NALF1: variants seen among roughly 807,000 people sequenced by gnomAD.
The protein encoded by NALF1 is family with sequence similarity 155 member A.
Under a neutral mutation model 48.4 loss-of-function variants are expected in NALF1, and 3 were observed. The observed-to-expected ratio is 0.06, with a 90% CI of 0.03 to 0.16. The LOEUF is 0.16. Among genes scored for constraint, NALF1 ranks in the 10% least tolerant of loss-of-function variants. The pLI is 1.00. For synonymous variants in NALF1, 262 were observed against 245.7 expected (o/e 1.07, Z -0.62); for missense variants, 526 against 571.5 (o/e 0.92, Z 0.81).
chr13:107,324,688 A>C (rs1882318085), intron 1 of NALF1, among the ~76,000 whole-genome samples: 1 of 152,210 alleles, frequency 6.6e-6, no homozygotes. Flanking sequence ...GTGTGTGTGC[A>C]CAGTAGATAT....
At position 107,504,871 on chromosome 13, in the gene NALF1, C is replaced by T. The variant is rs115909637; in HGVS notation, c.916-294116G>A. ...CATGTCTCCTTAAATTCTCCAGACA[C>T]GTCTGTCTACTCAACAAATATTTAG... On this transcript the variant is annotated intron_variant, in intron 1 of 2. Coordinates refer to ENST00000375915, the MANE Select transcript of NALF1 (RefSeq NM_001080396.3). Among the ~76,000 whole-genome samples, 617 of 152,284 alleles carry T rather than the reference C, an allele frequency of 4.1e-3. 8 individuals are homozygous for T. Among genetic ancestry groups the T allele is most frequent in the African/African-American group, 0.014 (594 of 41,550 alleles).
intron 1 of NALF1, among the ~76,000 whole-genome samples, chr13:107,389,383 A>T: frequency 6.6e-6 from 1 of 152,294 alleles, no homozygotes; most frequent in African/African-American, 2.4e-5. Context: ...CTAATCCATT[A>T]TAGTTGGTGT....
chr13:107,476,189 C>T (rs1196397610), intron 1 of NALF1, among the ~76,000 whole-genome samples: 1 of 152,092 alleles, frequency 6.6e-6, no homozygotes, highest in Non-Finnish European at 1.5e-5. Flanking sequence ...CCTGCCATTG[C>T]AGGCAGCCGA....
intron 1 of NALF1, among the ~76,000 whole-genome samples, chr13:107,257,745 G>A (rs567474890): frequency 1.3e-5 from 2 of 152,254 alleles, no homozygotes; most frequent in South Asian, 2.1e-4. Context: ...CCACAGAAAG[G>A]CTGGCTTTGG....
chr13:107,313,663 T>C (rs1882087667), intron 1 of NALF1, among the ~76,000 whole-genome samples: 1 of 152,160 alleles, frequency 6.6e-6, no homozygotes, highest in South Asian at 2.1e-4. Context: ...TCTACCTTAA[T>C]ATGCTTATGT....
intron 1 of NALF1, among the ~76,000 whole-genome samples, chr13:107,575,063 G>A (rs191091332): frequency 1.0e-3 from 156 of 152,104 alleles, no homozygotes; most frequent in Non-Finnish European, 1.8e-3. Flanking sequence ...TTCACCGTAC[G>A]AGGAGCAAGG....
chr13:107,350,282 T>C (rs1342367923), intron 1 of NALF1, among the ~76,000 whole-genome samples: 2 of 151,602 alleles, frequency 1.3e-5, no homozygotes, highest in East Asian at 2.0e-4. Context: ...ATAAACTTAA[T>C]TGTGTAATAA....
At chr13:107,543,687 G>A (rs486817) in intron 1 of NALF1, among the ~76,000 whole-genome samples, 23,850 of 151,306 alleles carry the variant, frequency 0.16, 2,079 homozygotes, top group Middle Eastern at 0.21. Context: ...ATATATACGC[G>A]TATATACACG....
intron 1 of NALF1, among the ~76,000 whole-genome samples, chr13:107,333,792 T>C (rs537243691): frequency 6.6e-6 from 1 of 152,306 alleles, no homozygotes; most frequent in East Asian, 1.9e-4. Context: ...CTTTCTCCTT[T>C]TACCTGAGGG....
At chr13:107,180,001 A>AT (rs1172392099) in intron 2 of NALF1, among the ~76,000 whole-genome samples, 1 of 144,090 alleles carries the variant, frequency 6.9e-6, no homozygotes, top group African/African-American at 2.6e-5. Context: ...CAAAGACTCT[A>AT]TTTTCAAATA....
At chr13:107,230,123 A>G (rs1340058544) in intron 1 of NALF1, among the ~76,000 whole-genome samples, 2 of 152,218 alleles carry the variant, frequency 1.3e-5, no homozygotes, top group African/African-American at 4.8e-5. Flanking sequence ...CTTTATGGAT[A>G]GAAACACTTT....
At chr13:107,598,073 T>A (rs1333383394) in intron 1 of NALF1, among the ~76,000 whole-genome samples, 3 of 152,166 alleles carry the variant, frequency 2.0e-5, no homozygotes, top group African/African-American at 7.2e-5. Flanking sequence ...TCTATAAGAC[T>A]TAGGGATATG....
At chr13:107,228,985 T>C (rs1466192476) in intron 1 of NALF1, among the ~76,000 whole-genome samples, 1 of 152,024 alleles carries the variant, frequency 6.6e-6, no homozygotes, top group Admixed American at 6.6e-5. Flanking sequence ...TCCATTTCAA[T>C]CATTATGGTT....
Position 107,649,642 on chromosome 13 carries a change from G to A in NALF1, c.915+216040C>T, listed in dbSNP as rs111982776. Among the ~76,000 whole-genome samples, 232 of 152,188 alleles carry A rather than the reference G, an allele frequency of 1.5e-3. 2 individuals are homozygous for A. The highest frequency in any genetic ancestry group is 5.1e-3 in the African/African-American group (213 of 41,518). ...TGCAAATAAAGGTTTTCAAGTAAGT[G>A]GTAAGTTGAACAGTCACAGAAAATA... On this transcript the variant is annotated intron_variant, in intron 1 of 2. Coordinates refer to ENST00000375915, the MANE Select transcript of NALF1 (RefSeq NM_001080396.3).
chr13:107,787,575 T>C (rs543641168), intron 1 of NALF1, among the ~76,000 whole-genome samples: 1 of 152,330 alleles, frequency 6.6e-6, no homozygotes, highest in Non-Finnish European at 1.5e-5. Context: ...TTCCGTGTCT[T>C]TTTCTGACTT....
At chr13:107,481,618 G>A (rs527713917) in intron 1 of NALF1, among the ~76,000 whole-genome samples, 2 of 152,220 alleles carry the variant, frequency 1.3e-5, no homozygotes, top group South Asian at 4.1e-4. Flanking sequence ...GAGGACAAAG[G>A]ATGAAAAGAC....
chr13:107,409,911 A>G (rs16970067), intron 1 of NALF1, among the ~76,000 whole-genome samples: 2,270 of 152,284 alleles, frequency 0.015, 56 homozygotes, highest in African/African-American at 0.051. Context: ...CCATAGCTGC[A>G]TAGTTCAGGG....
chr13:107,688,800 C>A (rs1478651163), intron 1 of NALF1, among the ~76,000 whole-genome samples: 1 of 152,126 alleles, frequency 6.6e-6, no homozygotes, highest in African/African-American at 2.4e-5. Flanking sequence ...TGGGCGAAAT[C>A]CCTCTCTGAA....
intron 1 of NALF1, among the ~76,000 whole-genome samples, chr13:107,806,792 T>G (rs1878803951): frequency 6.6e-6 from 1 of 152,190 alleles, no homozygotes; most frequent in Non-Finnish European, 1.5e-5. Flanking sequence ...ATAGCTGTTT[T>G]GTTTAAACCC....
Sources: gnomAD v4.1 joint callset for allele counts (sites outside exome capture counted in the v4.1 genomes callset) on GRCh38, gnomAD v4.1.1 for gene constraint, MANE v1.5 for transcripts, NCBI Gene and HGNC (gene_info 2026-07-23, HGNC 2026-07-21) for gene names.